Variants in PHTF2 observed in about 807,000 individuals in gnomAD.
The protein encoded by PHTF2 is putative homeodomain transcription factor 2.
PHTF2 carries 60 observed loss-of-function variants against 101.2 expected under a neutral mutation model. That is an observed-to-expected ratio of 0.59 (90% CI 0.48 to 0.73). The LOEUF is 0.73. Among genes scored for constraint, PHTF2 ranks in the 30% least tolerant of loss-of-function variants. The pLI, the probability that PHTF2 is intolerant of heterozygous loss-of-function variation, is 0.00. For synonymous variants in PHTF2, 311 were observed against 307.3 expected, an observed-to-expected ratio of 1.01 and a Z score of -0.13; for missense variants, 747 against 908.7, an observed-to-expected ratio of 0.82 and a Z score of 2.29.
chr7:77,854,557 C>T (rs994955956), intron 2 of PHTF2, among the ~76,000 whole-genome samples: 1 of 152,142 alleles, frequency 6.6e-6, no homozygotes, highest in Non-Finnish European at 1.5e-5. Flanking sequence ...CCCTGCCCTA[C>T]TCCCCGTACC....
At chr7:77,913,527 G>A (rs1357290963) in intron 9 of PHTF2, among the ~76,000 whole-genome samples, 2 of 151,738 alleles carry the variant, frequency 1.3e-5, no homozygotes, top group African/African-American at 2.4e-5. Context: ...ATTGTGTGTC[G>A]TTCAGCATAG....
In PHTF2 at chr7:77,806,572, C is replaced by T. The variant is rs553077028; in HGVS notation, c.-36+7601C>T. On this transcript the variant is annotated intron_variant, in intron 1 of 19. Transcript: ENST00000416283. ...TTTAAGTGAGTTTCTGACAGATACA[C>T]GTAAAAATAGGTCTTGCTTTTGGGT... Among the ~76,000 whole-genome samples the T allele has an allele frequency of 1.9e-4, 29 of 152,192 alleles. No individual in the cohort carries two copies. The South Asian group carries it at 4.4e-3, about 23-fold the overall frequency.
rs1219266241 is a variant in PHTF2, at chr7:77,837,809, A to G, written c.-35-2412A>G. On this transcript the variant is annotated intron_variant, in intron 1 of 19. Transcript: ENST00000416283. ...TGAGCTTTTTCTTTTAAAAAATACT[A>G]TTATTTATATGTGAACATTTAAATA... 5.9e-5 allele frequency among the ~76,000 whole-genome samples: 9 copies of G among 152,296 alleles called. No homozygotes were observed. The South Asian group carries it at 1.2e-3, about 21-fold the overall frequency.
At chr7:77,844,965 G>T (rs1254735211) in intron 2 of PHTF2, among the ~76,000 whole-genome samples, 2 of 152,188 alleles carry the variant, frequency 1.3e-5, no homozygotes, top group African/African-American at 4.8e-5. Context: ...GTAATTTTCA[G>T]TTATTAACTT....
chr7:77,875,005 G>T (rs1313633821), intron 3 of PHTF2, among the ~76,000 whole-genome samples: 1 of 152,128 alleles, frequency 6.6e-6, no homozygotes, highest in Non-Finnish European at 1.5e-5. Flanking sequence ...CAGGCCCATG[G>T]TCTTTTGGTT....
intron 2 of PHTF2, among the ~76,000 whole-genome samples, chr7:77,843,158 T>C (rs1796017162): frequency 6.6e-6 from 1 of 152,200 alleles, no homozygotes; most frequent in South Asian, 2.1e-4. Context: ...CCCCTAAGTT[T>C]CCCCCCTCTA....
Position 77,894,205 on chromosome 7 carries a change from T to C in PHTF2, c.216+212T>C, listed in dbSNP as rs536297990. 2.0e-5 allele frequency among the ~76,000 whole-genome samples: 3 copies of C among 152,316 alleles called. No homozygotes were observed. The South Asian group carries it at 6.2e-4, about 32-fold the overall frequency. On this transcript the variant is annotated intron_variant, in intron 5 of 19. Coordinates refer to ENST00000416283, the Ensembl canonical transcript of PHTF2. ...TTTTCTTCCTGAACATGTAATCATATCTCTTATGCTGATAAAATATTCTCA... is the reference window on the plus strand; with the variant it reads ...TTTTCTTCCTGAACATGTAATCATACCTCTTATGCTGATAAAATATTCTCA...
intron 19 of PHTF2, 42 bp downstream of exon 18, chr7:77,953,936 G>A: frequency 6.3e-7 from 1 of 1,598,360 alleles, no homozygotes; most frequent in East Asian, 2.2e-5. Flanking sequence ...GTTTCCTGTT[G>A]CATTTTTGTT....
At chr7:77,908,360 T>C (rs554853498) in intron 7 of PHTF2, among the ~76,000 whole-genome samples, 1 of 152,362 alleles carries the variant, frequency 6.6e-6, no homozygotes, top group South Asian at 2.1e-4. Flanking sequence ...AAATTTGTTA[T>C]TAATTCTAAG....
intron 12 of PHTF2, among the ~76,000 whole-genome samples, chr7:77,932,656 G>T (rs890389717): frequency 2.0e-5 from 3 of 150,242 alleles, no homozygotes; most frequent in Non-Finnish European, 4.4e-5. Context: ...GTGTGTGTGT[G>T]TTCAAGCCAA....
intron 11 of PHTF2, among the ~76,000 whole-genome samples, chr7:77,926,708 C>T (rs1403104618): frequency 5.3e-5 from 8 of 152,136 alleles, no homozygotes; most frequent in African/African-American, 1.9e-4. Context: ...GTGGCTCACG[C>T]CTGTAATCCC....
intron 12 of PHTF2, among the ~76,000 whole-genome samples, chr7:77,936,625 G>T (rs1457306856): frequency 6.6e-6 from 1 of 151,930 alleles, no homozygotes; most frequent in Non-Finnish European, 1.5e-5. Context: ...AGTGAGCTGA[G>T]ATCGCACCAT....
At chr7:77,889,360 C>T (rs1301271366) in intron 3 of PHTF2, among the ~76,000 whole-genome samples, 1 of 152,142 alleles carries the variant, frequency 6.6e-6, no homozygotes, top group African/African-American at 2.4e-5. Context: ...GTACTACACA[C>T]ATATCCCAAG....
chr7:77,843,741 C>A (rs1445496303), intron 2 of PHTF2, among the ~76,000 whole-genome samples: 2 of 151,966 alleles, frequency 1.3e-5, no homozygotes, highest in African/African-American at 4.8e-5. Flanking sequence ...AATCATGGAC[C>A]CCTTTGTGTT....
intron 1 of PHTF2, among the ~76,000 whole-genome samples, chr7:77,832,822 A>G (rs556198093): frequency 6.6e-6 from 1 of 152,136 alleles, no homozygotes; most frequent in African/African-American, 2.4e-5. Context: ...ATAATGTAAT[A>G]ATAATAGAAA....
At chr7:77,820,534 G>A (rs1192141751) in intron 1 of PHTF2, among the ~76,000 whole-genome samples, 36 of 151,766 alleles carry the variant, frequency 2.4e-4, no homozygotes, top group Admixed American at 2.3e-3. Context: ...GTGTGTGCGT[G>A]TGTGTGTGTT....
chr7:77,929,156 C>T (rs1212194748), exon 12 of PHTF2: 1 of 1,613,954 alleles, frequency 6.2e-7, no homozygotes, highest in Non-Finnish European at 8.5e-7. Context: ...GTTCAAGTTC[C>T]AGACAGGATT....
chr7:77,950,529 T>G (rs1806447746), intron 17 of PHTF2, among the ~76,000 whole-genome samples: 4 of 152,078 alleles, frequency 2.6e-5, no homozygotes, highest in African/African-American at 9.7e-5. Context: ...GGTATGGTGG[T>G]GCGTGCCTGT....
At chr7:77,827,441 G>A (rs1033486353) in intron 1 of PHTF2, among the ~76,000 whole-genome samples, 2 of 152,070 alleles carry the variant, frequency 1.3e-5, no homozygotes, top group Admixed American at 6.6e-5. Flanking sequence ...CGTGACCTCT[G>A]CCTCCCGGGT....
Sources: gnomAD v4.1 joint callset for allele counts (sites outside exome capture counted in the v4.1 genomes callset) on GRCh38, gnomAD v4.1.1 for gene constraint, MANE v1.5 for transcripts, NCBI Gene and HGNC (gene_info 2026-07-23, HGNC 2026-07-21) for gene names.